Variants in FAF2 observed in about 807,000 individuals in gnomAD.
FAF2 encodes the protein Fas associated factor family member 2.
FAF2 carries 9 observed loss-of-function variants against 62.3 expected under a neutral mutation model. The ratio of observed to expected loss-of-function variants is 0.14; its 90% CI spans 0.09 to 0.25. The LOEUF (loss-of-function observed/expected upper bound fraction) is 0.25, where lower values mean the gene tolerates loss of function less well. FAF2 is among the 10% of genes least tolerant of loss of function. FAF2 has a pLI of 1.00. For missense variants in FAF2, 368 were observed against 556.2 expected (o/e 0.66, Z 3.40); for synonymous variants, 202 against 198.0 (o/e 1.02, Z -0.17).
intron 5 of FAF2, among the ~76,000 whole-genome samples, chr5:176,493,220 A>G (rs753111908): frequency 5.3e-5 from 8 of 152,190 alleles, no homozygotes; most frequent in Non-Finnish European, 1.0e-4. Context: ...ATTTTCCCAC[A>G]TCTGCTTTTT....
At chr5:176,502,654 G>C (rs1215834200) in intron 10 of FAF2, among the ~76,000 whole-genome samples, 1 of 152,168 alleles carries the variant, frequency 6.6e-6, no homozygotes, top group Non-Finnish European at 1.5e-5. Context: ...TGTTAGAACT[G>C]TGGAACAGAA....
At chr5:176,455,194 A>T (rs116255822) in intron 1 of FAF2, among the ~76,000 whole-genome samples, 1 of 152,142 alleles carries the variant, frequency 6.6e-6, no homozygotes, top group African/African-American at 2.4e-5. Context: ...AGGTTGCACT[A>T]CACTTAAGGA....
intron 1 of FAF2, among the ~76,000 whole-genome samples, chr5:176,477,318 C>A (rs1440522436): frequency 7.3e-6 from 1 of 137,646 alleles, no homozygotes; most frequent in Non-Finnish European, 1.5e-5. Flanking sequence ...AACTCCTGAC[C>A]TCATGTGATC....
rs1367955050 is a variant in FAF2, at chr5:176,507,252, C to T, written c.*302C>T. 2.2e-6 allele frequency: 1 copy of T among 455,650 alleles called. No homozygotes were observed. Among genetic ancestry groups the T allele is most frequent in the Non-Finnish European group, 4.4e-6 (1 of 227,474 alleles). The allele number at this position is 455,650 out of a possible 1,614,324, so 28.2% of individuals were successfully genotyped here. On this transcript the variant is annotated 3_prime_UTR_variant, in exon 11 of 11. Coordinates refer to ENST00000261942, the MANE Select transcript of FAF2 (RefSeq NM_014613.3). ...CCAGTGAACAGAGACTCTTCACCTT[C>T]GACCCATCCATTGTCCCAGCTGGGA... is the stretch of plus-strand genomic sequence containing the variant.
rs368333559 is a variant in FAF2 at position 176,496,688 on chromosome 5, CAGAG to C, written c.839+31_839+34del. On this transcript the variant is annotated intron_variant, in intron 8 of 10. Coordinates refer to ENST00000261942, the MANE Select transcript of FAF2 (RefSeq NM_014613.3). ...GGTACAAGGGAGTTCCCTTCTGGAA[CAGAG>C]AGAGACCAGTTGTAAATTTGGAGGG... 16 of 1,474,608 alleles carry C rather than the reference CAGAG, an allele frequency of 1.1e-5. No individual in the cohort carries two copies. The South Asian group carries it at 2.3e-4, about 21-fold the overall frequency. The allele number at this position is 1,474,608 out of a possible 1,614,324, so 91.3% of individuals were successfully genotyped here. A position where few individuals can be genotyped will look rare whatever the true frequency, so the allele number is the denominator to read the frequency against.
chr5:176,501,143 A>G (rs1755585335), intron 10 of FAF2, among the ~76,000 whole-genome samples: 1 of 152,072 alleles, frequency 6.6e-6, no homozygotes, highest in Non-Finnish European at 1.5e-5. Flanking sequence ...AAATAATAAT[A>G]ATAATAGGCA....
chr5:176,461,014 T>G (rs375044648), intron 1 of FAF2, among the ~76,000 whole-genome samples: 830 of 61,518 alleles, frequency 0.013, 10 homozygotes, highest in African/African-American at 0.062. Context: ...CCTTTTTTTC[T>G]TCTCTTTTTT....
intron 1 of FAF2, among the ~76,000 whole-genome samples, chr5:176,466,410 A>T (rs529873749): frequency 6.6e-6 from 1 of 152,218 alleles, no homozygotes; most frequent in Non-Finnish European, 1.5e-5. Context: ...CAACAAGCCA[A>T]TTGGAATTTA....
At chr5:176,504,421 A>C (rs926717097) in intron 10 of FAF2, among the ~76,000 whole-genome samples, 5 of 151,876 alleles carry the variant, frequency 3.3e-5, no homozygotes, top group African/African-American at 1.2e-4. Context: ...CCATCTCTAC[A>C]AAAAACACAA....
intron 1 of FAF2, among the ~76,000 whole-genome samples, chr5:176,461,762 T>C (rs1419291165): frequency 2.0e-5 from 3 of 152,194 alleles, no homozygotes; most frequent in Admixed American, 1.3e-4. Flanking sequence ...CTGTTTACTC[T>C]GTTGATAGTT....
Position 176,486,143 on chromosome 5 carries a change from G to A in FAF2, c.133-212G>A, listed in dbSNP as rs948320371. On this transcript the variant is annotated intron_variant, in intron 2 of 10. Transcript: ENST00000261942. Reference sequence around the variant, plus strand: ...ATGTAGCTTCCAGACAAGTTTCCTCGTCTCCTCTACCATGGATGCATTCTG... The same window carrying A: ...ATGTAGCTTCCAGACAAGTTTCCTCATCTCCTCTACCATGGATGCATTCTG... 3.9e-5 allele frequency among the ~76,000 whole-genome samples: 6 copies of A among 152,128 alleles called. No homozygotes were observed. In the East Asian group the frequency reaches 5.8e-4, roughly 15 times the overall value.
rs1229973876 is a variant in FAF2 at position 176,493,985 on chromosome 5, T to C, written c.484-14T>C. Reference sequence around the variant, plus strand: ...CAGTCTTCTTAATAGTGAGTGACCTTCTCTTTCTCACAGGCACTTAACGAT... The same window carrying C: ...CAGTCTTCTTAATAGTGAGTGACCTCCTCTTTCTCACAGGCACTTAACGAT... On this transcript the variant is annotated splice_polypyrimidine_tract_variant and intron_variant, in intron 5 of 10. Coordinates refer to ENST00000261942, the MANE Select transcript of FAF2 (RefSeq NM_014613.3). The C allele has an allele frequency of 6.2e-7, 1 of 1,600,554 alleles. No homozygotes were observed. The highest frequency in any genetic ancestry group is 1.7e-5 in the Admixed American group (1 of 59,472).
At chr5:176,449,083 C>T (rs1301299756) in intron 1 of FAF2, among the ~76,000 whole-genome samples, 1 of 152,156 alleles carries the variant, frequency 6.6e-6, no homozygotes, top group African/African-American at 2.4e-5. Context: ...TTGGCTTATT[C>T]CTGGATTCCT....
chr5:176,468,524 C>T (rs1758509969), intron 1 of FAF2, among the ~76,000 whole-genome samples: 1 of 152,142 alleles, frequency 6.6e-6, no homozygotes, highest in Non-Finnish European at 1.5e-5. Flanking sequence ...GCGCAGCTTG[C>T]AGTGAGCCGA....
intron 10 of FAF2, among the ~76,000 whole-genome samples, chr5:176,506,052 G>C (rs941243263): frequency 6.6e-6 from 1 of 151,912 alleles, no homozygotes; most frequent in Non-Finnish European, 1.5e-5. Flanking sequence ...TTAGCCAGGC[G>C]TGGTGGCGGG....
chr5:176,463,180 G>A (rs1758409861), intron 1 of FAF2, among the ~76,000 whole-genome samples: 1 of 151,998 alleles, frequency 6.6e-6, no homozygotes, highest in Non-Finnish European at 1.5e-5. Context: ...GATCACCTGA[G>A]GTCAGGAATT....
intron 1 of FAF2, among the ~76,000 whole-genome samples, chr5:176,467,129 C>CT (rs374702773): frequency 0.011 from 1,035 of 93,980 alleles, 3 homozygotes; most frequent in African/African-American, 0.014. Context: ...TTTTTTTTTC[C>CT]TTTTTTTTTT....
intron 1 of FAF2, among the ~76,000 whole-genome samples, chr5:176,478,302 T>C (rs2913898): frequency 0.83 from 126,691 of 152,162 alleles, 52,897 homozygotes; most frequent in African/African-American, 0.91. Context: ...TATAGAGAGA[T>C]CCCGTCTTTA....
intron 1 of FAF2, among the ~76,000 whole-genome samples, chr5:176,461,930 A>G (rs983732853): frequency 6.6e-6 from 1 of 152,120 alleles, no homozygotes; most frequent in Admixed American, 6.6e-5. Context: ...TTATAGTTTT[A>G]GGTCTTACAT....
Sources: allele counts gnomAD v4.1 joint callset (sites outside exome capture counted in the v4.1 genomes callset), GRCh38; gene constraint gnomAD v4.1.1; transcripts MANE v1.5; gene names NCBI Gene and HGNC (gene_info 2026-07-23, HGNC 2026-07-21).